NLN: variants seen among roughly 807,000 people sequenced by gnomAD.
NLN encodes the protein neurolysin, mitochondrial.
NLN carries 64 observed loss-of-function variants against 79.9 expected under a neutral mutation model. The observed-to-expected ratio is 0.80, with a 90% CI of 0.65 to 0.99. NLN has a LOEUF of 0.99. NLN is among the 50% of genes least tolerant of loss of function. The probability of loss-of-function intolerance (pLI) is 0.00; values close to 1 mark genes in which losing one functional copy is unlikely to be tolerated. For missense variants in NLN, 835 were observed against 858.7 expected (o/e 0.97, Z 0.34); for synonymous variants, 267 against 296.6 (o/e 0.90, Z 1.02).
intron 1 of NLN, among the ~76,000 whole-genome samples, chr5:65,731,826 C>G (rs777260286): frequency 2.9e-5 from 4 of 137,568 alleles, no homozygotes; most frequent in Admixed American, 8.0e-5. Flanking sequence ...TCTCATCTCT[C>G]TGTAACCTCT....
chr5:65,758,869 C>A, intron 2 of NLN, 43 bp downstream of exon 2: 1 of 1,533,896 alleles, frequency 6.5e-7, no homozygotes, highest in South Asian at 1.2e-5. Context: ...ACTTTGTGGA[C>A]ATCTTAAATC....
At chr5:65,780,623 A>G (rs1759779983) in intron 5 of NLN, among the ~76,000 whole-genome samples, 1 of 150,726 alleles carries the variant, frequency 6.6e-6, no homozygotes, top group Non-Finnish European at 1.5e-5. Flanking sequence ...TGTTTCCTGC[A>G]TTGTATCTTA....
At chr5:65,819,787 G>A (rs1469596194) in intron 12 of NLN, among the ~76,000 whole-genome samples, 1 of 151,984 alleles carries the variant, frequency 6.6e-6, no homozygotes, top group African/African-American at 2.4e-5. Context: ...CCCAGACCAC[G>A]TTCTCTCACA....
At chr5:65,755,791 G>A (rs1030620038) in intron 1 of NLN, among the ~76,000 whole-genome samples, 6 of 152,280 alleles carry the variant, frequency 3.9e-5, no homozygotes, top group Admixed American at 1.3e-4. Context: ...AGTTCTTGTG[G>A]AGAGTAAGTT....
At chr5:65,774,881 C>T (rs1221965865) in intron 3 of NLN, among the ~76,000 whole-genome samples, 3 of 151,886 alleles carry the variant, frequency 2.0e-5, no homozygotes, top group Non-Finnish European at 4.4e-5. Flanking sequence ...CATGCCACCA[C>T]ACCCGGCTGA....
At chr5:65,792,350 C>T (rs2150764228) in intron 8 of NLN, 104 bp from the exon 9 acceptor site, 1 of 699,388 alleles carries the variant, frequency 1.4e-6, no homozygotes, top group Non-Finnish European at 2.5e-6. Context: ...TGTTTAAAGG[C>T]ATCTCTGGTA....
chr5:65,809,750 T>C (rs2150773858), intron 10 of NLN, 49 bp downstream of exon 10: 2 of 1,388,298 alleles, frequency 1.4e-6, no homozygotes, highest in Non-Finnish European at 2.0e-6. Flanking sequence ...TCTCTTAATG[T>C]AGAATTGCTG....
Position 65,787,219 on chromosome 5 carries a change from ACTCT to A in NLN, c.959-886_959-883del, listed in dbSNP as rs376220112. 1.8e-4 allele frequency among the ~76,000 whole-genome samples: 25 copies of A among 141,050 alleles called. No individual in the cohort carries two copies. In the East Asian group the frequency reaches 3.6e-3, roughly 20 times the overall value. The allele number at this position is 141,050 out of a possible 152,430, so 92.5% of individuals were successfully genotyped here. A position where few individuals can be genotyped will look rare whatever the true frequency, so the allele number is the denominator to read the frequency against. ...CTGGGCAACATAGCAAAACTCACTC[ACTCT>A]CTCTCTCTCTCTTTATATATATATA... On this transcript the variant is annotated intron_variant, in intron 7 of 12. Transcript: ENST00000380985.
intron 1 of NLN, among the ~76,000 whole-genome samples, chr5:65,724,933 C>G (rs1378847816): frequency 6.6e-6 from 1 of 151,696 alleles, no homozygotes. Flanking sequence ...TCCCAAGTAG[C>G]TGGGACTACA....
In NLN at chr5:65,794,183, C is replaced by T. The variant is rs73101590; in HGVS notation, c.1527+1528C>T. On this transcript the variant is annotated intron_variant, in intron 9 of 12. Coordinates refer to ENST00000380985, the MANE Select transcript of NLN (RefSeq NM_020726.5). The stretch of plus-strand genomic sequence containing the variant: ...TATGTTGTCAGCTCAGGTCCTAGAA[C>T]AGTGCTGACAATGGTGGCATGAGGT... Among the ~76,000 whole-genome samples, 933 of 152,292 alleles carry T rather than the reference C, an allele frequency of 6.1e-3. 15 individuals carry two copies. The highest frequency in any genetic ancestry group is 0.021 in the African/African-American group (888 of 41,566).
intron 1 of NLN, among the ~76,000 whole-genome samples, chr5:65,735,728 A>G (rs1170016879): frequency 1.3e-5 from 2 of 152,180 alleles, no homozygotes; most frequent in East Asian, 1.9e-4. Context: ...TAAACAATCA[A>G]AACTCTCTTG....
intron 9 of NLN, among the ~76,000 whole-genome samples, chr5:65,794,171 C>G (rs1760122771): frequency 6.6e-6 from 1 of 152,182 alleles, no homozygotes; most frequent in African/African-American, 2.4e-5. Flanking sequence ...GTTGTCAGCT[C>G]AGGTCCTAGA....
intron 8 of NLN, among the ~76,000 whole-genome samples, chr5:65,791,430 C>T (rs1426612459): frequency 6.6e-6 from 1 of 152,050 alleles, no homozygotes; most frequent in African/African-American, 2.4e-5. Context: ...TGGTGGCAGG[C>T]ACTTGTAGTC....
intron 12 of NLN, among the ~76,000 whole-genome samples, chr5:65,820,166 C>G (rs1045189466): frequency 6.6e-6 from 1 of 152,162 alleles, no homozygotes; most frequent in Non-Finnish European, 1.5e-5. Flanking sequence ...ATACTTTTAT[C>G]AGATGTTCAC....
At chr5:65,791,318 G>A (rs1229251138) in intron 8 of NLN, among the ~76,000 whole-genome samples, 1 of 152,124 alleles carries the variant, frequency 6.6e-6, no homozygotes, top group Admixed American at 6.5e-5. Context: ...AGCACTTTGG[G>A]AGGCCAAGGA....
intron 1 of NLN, among the ~76,000 whole-genome samples, chr5:65,730,747 G>A (rs1758587530): frequency 6.6e-6 from 1 of 151,910 alleles, no homozygotes; most frequent in Admixed American, 6.6e-5. Context: ...TGTAGAAACA[G>A]GGGTTCACCA....
At chr5:65,808,383 G>T (rs1207974030) in intron 9 of NLN, among the ~76,000 whole-genome samples, 2 of 152,160 alleles carry the variant, frequency 1.3e-5, no homozygotes, top group African/African-American at 4.8e-5. Flanking sequence ...CAGGGATGAT[G>T]AAGTCAGGGA....
intron 9 of NLN, among the ~76,000 whole-genome samples, chr5:65,807,035 G>A (rs1175072032): frequency 1.3e-5 from 2 of 152,012 alleles, no homozygotes; most frequent in Non-Finnish European, 2.9e-5. Flanking sequence ...AAAGTAGCCG[G>A]GCATGATGGT....
intron 2 of NLN, among the ~76,000 whole-genome samples, chr5:65,760,472 G>A (rs948014134): frequency 1.3e-5 from 2 of 152,194 alleles, no homozygotes; most frequent in African/African-American, 2.4e-5. Context: ...TGGTTCAGGT[G>A]CTCACTTCTT....
Sources: allele counts gnomAD v4.1 joint callset (sites outside exome capture counted in the v4.1 genomes callset), GRCh38; gene constraint gnomAD v4.1.1; transcripts MANE v1.5; gene names NCBI Gene and HGNC (gene_info 2026-07-23, HGNC 2026-07-21).